Variants in SYNE3 observed in about 807,000 individuals in gnomAD.
The protein encoded by SYNE3 is nesprin-3.
A neutral mutation model predicts 111.2 loss-of-function variants in SYNE3; 100 were observed. That is an observed-to-expected ratio of 0.90 (90% confidence interval 0.77 to 1.06). SYNE3 has a LOEUF of 1.06. SYNE3 is among the 50% of genes least tolerant of loss of function. The pLI is 0.00. For missense variants in SYNE3, 1,160 were observed against 1,240.3 expected, an observed-to-expected ratio of 0.94 and a Z score of 0.97; for synonymous variants, 547 against 533.9, an observed-to-expected ratio of 1.02 and a Z score of -0.34.
At chr14:95,479,038 C>A (rs543794808) in intron 1 of SYNE3, among the ~76,000 whole-genome samples, 3 of 152,104 alleles carry the variant, frequency 2.0e-5, no homozygotes, top group African/African-American at 7.2e-5. Flanking sequence ...TGGCTGGTCA[C>A]TTAACCTCTC....
chr14:95,423,950 ATTTGATGGGGATG>A (rs1885296056), intron 17 of SYNE3, among the ~76,000 whole-genome samples: 1 of 94,308 alleles, frequency 1.1e-5, no homozygotes, highest in Non-Finnish European at 2.2e-5. Flanking sequence ...GGGGATGGGG[ATTTGATGGGGATG>A]GGGATTTGAT....
chr14:95,468,211 C>T lies in SYNE3; in HGVS notation c.145-244G>A, dbSNP rs573967746. ...TGTCTGATGAATGGCTCTCTCCTTC[C>T]CCACTCGGCCCATTTCTAGAGTGTG... On this transcript the variant is annotated intron_variant, in intron 2 of 17. Transcript: ENST00000682763. Among the ~76,000 whole-genome samples the T allele has an allele frequency of 5.9e-5, 9 of 152,354 alleles. No individual in the cohort carries two copies. In the East Asian group the frequency reaches 1.3e-3, roughly 23 times the overall value.
At chr14:95,511,238 G>A (rs563032526) in intron 1 of SYNE3, among the ~76,000 whole-genome samples, 1 of 152,300 alleles carries the variant, frequency 6.6e-6, no homozygotes, top group African/African-American at 2.4e-5. Flanking sequence ...AAGTACGCCT[G>A]CAAAAAATAG....
At chr14:95,504,076 C>T (rs1890437698) in intron 1 of SYNE3, among the ~76,000 whole-genome samples, 1 of 152,136 alleles carries the variant, frequency 6.6e-6, no homozygotes, top group African/African-American at 2.4e-5. Flanking sequence ...TGTTTTTTAA[C>T]ATTTTTAAGT....
intron 9 of SYNE3, among the ~76,000 whole-genome samples, chr14:95,444,944 A>G (rs374330127): frequency 1.3e-5 from 2 of 152,230 alleles, no homozygotes; most frequent in Non-Finnish European, 2.9e-5. Flanking sequence ...AGCCATGCCC[A>G]TACATTTATA....
intron 4 of SYNE3, among the ~76,000 whole-genome samples, chr14:95,461,356 GA>G (rs1163111591): frequency 1.3e-5 from 2 of 152,158 alleles, no homozygotes; most frequent in Non-Finnish European, 2.9e-5. Flanking sequence ...ACTAAATCGG[GA>G]TTAAAAACAA....
At chr14:95,432,166 G>C (rs549032534) in intron 16 of SYNE3, 49 bp from the exon 17 acceptor site, 5 of 1,579,416 alleles carry the variant, frequency 3.2e-6, no homozygotes, top group East Asian at 4.5e-5. Flanking sequence ...AATAAGTTAA[G>C]TGAGTGAAAC....
chr14:95,462,181 G>C (rs566696615), intron 4 of SYNE3, among the ~76,000 whole-genome samples: 37 of 152,250 alleles, frequency 2.4e-4, no homozygotes, highest in Middle Eastern at 3.4e-3. Context: ...CTGAATACAA[G>C]ATCAAAGAGG....
intron 2 of SYNE3, among the ~76,000 whole-genome samples, chr14:95,471,810 G>A (rs550449763): frequency 8.5e-5 from 13 of 152,340 alleles, no homozygotes; most frequent in Non-Finnish European, 1.3e-4. Context: ...ATTTGTCGCA[G>A]CCAATGAGGG....
chr14:95,492,354 G>A (rs1441229147), intron 1 of SYNE3, among the ~76,000 whole-genome samples: 2 of 152,202 alleles, frequency 1.3e-5, no homozygotes, highest in Non-Finnish European at 2.9e-5. Flanking sequence ...AAAAGTGGGA[G>A]CAACCCAAAT....
At chr14:95,427,271 C>A (rs1280374625) in intron 17 of SYNE3, among the ~76,000 whole-genome samples, 11 of 152,238 alleles carry the variant, frequency 7.2e-5, no homozygotes, top group South Asian at 2.1e-4. Context: ...AGCTTCAGTG[C>A]CAAGGGGAAA....
chr14:95,492,478 G>A (rs1889895740), intron 1 of SYNE3, among the ~76,000 whole-genome samples: 1 of 152,198 alleles, frequency 6.6e-6, no homozygotes, highest in African/African-American at 2.4e-5. Flanking sequence ...GAGAAACCTT[G>A]GAAACGTTGT....
In SYNE3 at chr14:95,452,130, CAA is replaced by C. The variant is rs1360693548; in HGVS notation, c.1274+115_1274+116del. On this transcript the variant is annotated intron_variant, in intron 7 of 17. Transcript: ENST00000682763. Reference sequence around the variant, plus strand: ...TCTAAAAGCCAGTCATTGAGAGGTACAAAGAATGATTTAGAAGTTACTATGTT... The same window carrying C: ...TCTAAAAGCCAGTCATTGAGAGGTACAGAATGATTTAGAAGTTACTATGTT... 4 of 1,277,878 alleles carry C rather than the reference CAA, an allele frequency of 3.1e-6. No homozygotes were observed. The Admixed American group carries it at 9.5e-5, about 30-fold the overall frequency. 79.2% of individuals were successfully genotyped at this position (1,277,878 alleles called of 1,614,324 possible).
intron 5 of SYNE3, among the ~76,000 whole-genome samples, chr14:95,456,581 G>A: frequency 6.6e-6 from 1 of 152,266 alleles, no homozygotes; most frequent in South Asian, 2.1e-4. Flanking sequence ...GGAGTCTCTA[G>A]ACACTGCCAA....
chr14:95,432,818 C>T (rs78751439), intron 16 of SYNE3, among the ~76,000 whole-genome samples: 4,795 of 152,190 alleles, frequency 0.032, 149 homozygotes, highest in East Asian at 0.13. Context: ...CTACAACACA[C>T]GGGTGTGTCT....
In SYNE3 at chr14:95,439,778, C is replaced by T. The variant is rs781702238; in HGVS notation, c.2080G>A (p.Val694Met). ...ESQEAEFERL[V>M]AEFPEKEAQL... ...GCCTCCTTCTCCGGGAATTCTGCCA[C>T]CAGCCTCTAAAGGACACACGGACAC... is the stretch of plus-strand genomic sequence containing the variant. Residue 694 changes from valine to methionine, a missense_variant, in exon 13 of 18, where the codon GTG (valine) becomes ATG (methionine). Coordinates refer to ENST00000682763, the MANE Select transcript of SYNE3 (RefSeq NM_152592.6). 3.7e-6 allele frequency: 6 copies of T among 1,611,728 alleles called. No individual in the cohort carries two copies. In the African/African-American group the frequency reaches 4.0e-5, roughly 11 times the overall value.
In SYNE3 at chr14:95,412,054, C is replaced by G. The variant is rs988652150; in HGVS notation, c.*5772G>C. 2 of 152,482 alleles carry G rather than the reference C, an allele frequency of 1.3e-5. No homozygotes were observed. The highest frequency in any genetic ancestry group is 4.8e-5 in the African/African-American group (2 of 41,472). 9.4% of individuals were successfully genotyped at this position (152,482 alleles called of 1,614,324 possible). ...CTCCCAAGCTGTGTTGTTCTGTGAC[C>G]CAGCACAGCCCAACACACTTCTGAC... is the stretch of plus-strand genomic sequence containing the variant. On this transcript the variant is annotated 3_prime_UTR_variant, in exon 18 of 18. Coordinates refer to ENST00000682763, the MANE Select transcript of SYNE3 (RefSeq NM_152592.6).
chr14:95,490,149 CAGTT>C (rs1443667059), intron 1 of SYNE3, among the ~76,000 whole-genome samples: 2 of 152,230 alleles, frequency 1.3e-5, no homozygotes, highest in East Asian at 3.8e-4. Context: ...CTAACGGAAT[CAGTT>C]AGTAAGGGAA....
intron 4 of SYNE3, among the ~76,000 whole-genome samples, chr14:95,463,704 T>C (rs1262438642): frequency 6.6e-6 from 1 of 152,248 alleles, no homozygotes; most frequent in Admixed American, 6.5e-5. Flanking sequence ...ATCCCCGCCT[T>C]GCCCATCCAT....
Sources: allele counts gnomAD v4.1 joint callset (sites outside exome capture counted in the v4.1 genomes callset), GRCh38; gene constraint gnomAD v4.1.1; transcripts MANE v1.5; gene names NCBI Gene and HGNC (gene_info 2026-07-23, HGNC 2026-07-21).